The following CACNA2D4 variants were observed in gnomAD, a reference collection of about 807,000 sequenced individuals.
CACNA2D4 encodes the protein voltage-dependent calcium channel subunit alpha-2/delta-4.
CACNA2D4 carries 157 observed loss-of-function variants against 163.8 expected under a neutral mutation model. The ratio of observed to expected loss-of-function variants is 0.96; its 90% CI spans 0.84 to 1.09. The LOEUF (loss-of-function observed/expected upper bound fraction) is 1.09. Among genes scored for constraint, CACNA2D4 ranks in the 50% least tolerant of loss-of-function variants. CACNA2D4 has a pLI of 0.00. For missense variants in CACNA2D4, 1,410 were observed against 1,479.9 expected (o/e 0.95, Z 0.78); for synonymous variants, 598 against 586.9 (o/e 1.02, Z -0.27).
intron 3 of CACNA2D4, among the ~76,000 whole-genome samples, chr12:1,911,599 A>G (rs1454739723): frequency 6.6e-6 from 1 of 152,112 alleles, no homozygotes; most frequent in African/African-American, 2.4e-5. Flanking sequence ...GCGCACCCTC[A>G]TGGAAGGTCT....
At chr12:1,865,927 T>C (rs942238273) in intron 18 of CACNA2D4, among the ~76,000 whole-genome samples, 1 of 152,254 alleles carries the variant, frequency 6.6e-6, no homozygotes, top group African/African-American at 2.4e-5. Context: ...ATTCTTGGGA[T>C]GTTCTATGGA....
intron 18 of CACNA2D4, among the ~76,000 whole-genome samples, chr12:1,871,330 T>A (rs549801990): frequency 4.4e-4 from 67 of 151,574 alleles, no homozygotes; most frequent in African/African-American, 1.5e-3. Context: ...TGCTAGTGTG[T>A]GCATGTGTAC....
rs576907256 is a variant in CACNA2D4 at position 1,845,218 on chromosome 12, G to A, written c.2343-689C>T. On this transcript the variant is annotated intron_variant, in intron 24 of 37. Transcript: ENST00000382722. Reference sequence around the variant, plus strand: ...CAGTTCCTGGGCTGCCATTCACCTCGAGTCTGGGTGAAGGGAGCCCCTGGG... The same window carrying A: ...CAGTTCCTGGGCTGCCATTCACCTCAAGTCTGGGTGAAGGGAGCCCCTGGG... Among the ~76,000 whole-genome samples the A allele has an allele frequency of 5.3e-5, 8 of 152,160 alleles. No individual in the cohort carries two copies. In the East Asian group the frequency reaches 7.8e-4, roughly 15 times the overall value.
chr12:1,895,880 C>G (rs1365821594), intron 6 of CACNA2D4, among the ~76,000 whole-genome samples: 3 of 152,084 alleles, frequency 2.0e-5, no homozygotes, highest in Non-Finnish European at 4.4e-5. Context: ...CTCACATGAT[C>G]CTCCCACCTT....
intron 6 of CACNA2D4, among the ~76,000 whole-genome samples, chr12:1,899,414 T>A (rs975655428): frequency 6.6e-6 from 1 of 151,842 alleles, no homozygotes; most frequent in South Asian, 2.1e-4. Context: ...AAGAAATCTA[T>A]AGGGAATTGG....
rs2154448553 is a variant in CACNA2D4 at position 1,860,208 on chromosome 12, T to C, written c.1879-2A>G. On this transcript the variant is annotated splice_acceptor_variant, in intron 18 of 37. Coordinates refer to ENST00000382722, the MANE Select transcript of CACNA2D4 (RefSeq NM_172364.5). LOFTEE classifies it high-confidence loss of function. ...ATTGGTCAGGAAAAGAACTCGCTTCTGAAAGAGTAGACAAGGAAAGAGTGC... is the reference window on the plus strand; with the variant it reads ...ATTGGTCAGGAAAAGAACTCGCTTCCGAAAGAGTAGACAAGGAAAGAGTGC... The C allele has an allele frequency of 6.2e-7, 1 of 1,612,994 alleles. No individual in the cohort carries two copies. The highest frequency in any genetic ancestry group is 8.5e-7 in the Non-Finnish European group (1 of 1,179,256).
Position 1,844,260 on chromosome 12 carries a change from AG to A in CACNA2D4, c.2470+141del. The A allele has an allele frequency of 1.0e-6, 1 of 952,916 alleles. No individual in the cohort carries two copies. The allele number at this position is 952,916 out of a possible 1,614,324, so 59.0% of individuals were successfully genotyped here. A position where few individuals can be genotyped will look rare whatever the true frequency, so the allele number is the denominator to read the frequency against. On this transcript the variant is annotated intron_variant, in intron 25 of 37. Transcript: ENST00000382722. This position sits in a 1 kb window ranked among gnomAD's most constrained non-coding sequence, Gnocchi z 4.2. ...TTTTTAAGTCACTAATGCATGCAGG[AG>A]GGAAGGCAGGAGGGGAACCCTGGTG...
At chr12:1,831,650 G>A in intron 26 of CACNA2D4, 1 of 766,544 alleles carries the variant, frequency 1.3e-6, no homozygotes. Flanking sequence ...GGGCGACCCT[G>A]CCTCTGTGCC....
Position 1,844,675 on chromosome 12 carries a change from C to A in CACNA2D4, c.2343-146G>T. 1 of 791,018 alleles carries A rather than the reference C, an allele frequency of 1.3e-6. No homozygotes were observed. The highest frequency in any genetic ancestry group is 2.0e-6 in the Non-Finnish European group (1 of 508,600). The allele number at this position is 791,018 out of a possible 1,614,324, so 49.0% of individuals were successfully genotyped here. A position where few individuals can be genotyped will look rare whatever the true frequency, so the allele number is the denominator to read the frequency against. On this transcript the variant is annotated intron_variant, in intron 24 of 37. Transcript: ENST00000382722. The surrounding 1 kb of genome is among the most constrained non-coding windows in gnomAD (Gnocchi z 4.2). The stretch of plus-strand genomic sequence containing the variant: ...TACGGCCCCAGACAATGCTTCCCAG[C>A]AATTCTCGCCTTTTCCAGAAACAAA...
chr12:1,825,686 C>T (rs1864284837), intron 26 of CACNA2D4, among the ~76,000 whole-genome samples: 1 of 152,180 alleles, frequency 6.6e-6, no homozygotes, highest in African/African-American at 2.4e-5. Flanking sequence ...GCATCACGTG[C>T]TGTGTACAGA....
chr12:1,907,598 T>A, intron 5 of CACNA2D4, 27 bp from the exon 6 acceptor site: 1 of 1,604,132 alleles, frequency 6.2e-7, no homozygotes, highest in Non-Finnish European at 8.5e-7. Flanking sequence ...TAGATTATGA[T>A]CCTGTAGAAC....
At chr12:1,848,991 T>G (rs2154448065) in intron 23 of CACNA2D4, among the ~76,000 whole-genome samples, 1 of 152,300 alleles carries the variant, frequency 6.6e-6, no homozygotes, top group East Asian at 1.9e-4. Context: ...TGGGGTCCCT[T>G]GGGCACAATA....
At chr12:1,885,921 C>G (rs372220212) in intron 9 of CACNA2D4, 44 bp downstream of exon 9, 1 of 1,427,700 alleles carries the variant, frequency 7.0e-7, no homozygotes, top group Admixed American at 1.7e-5. Context: ...ACCATCCAGA[C>G]AAGAGCAGGG....
Position 1,795,779 on chromosome 12 carries a change from C to A in CACNA2D4, c.3115G>T (p.Val1039Leu). The A allele has an allele frequency of 3.1e-6, 5 of 1,596,636 alleles. No homozygotes were observed. The highest frequency in any genetic ancestry group is 1.1e-5 in the South Asian group (1 of 90,700). ...GIVECGPCQK[V>L]FVVQQIPNSN... ...TTGGGAATCTGCTGCACCACAAATA[C>A]CCTGCAGCAAAGAAAGGGAGTCGAG... is the stretch of plus-strand genomic sequence containing the variant. The change falls in exon 36 of 38, where the codon GTA becomes TTA. Residue 1039 changes from valine (V) to leucine (L), a missense_variant and splice_region_variant. Transcript: ENST00000382722.
At chr12:1,796,555 G>T (rs575811579) in intron 35 of CACNA2D4, among the ~76,000 whole-genome samples, 1 of 152,194 alleles carries the variant, frequency 6.6e-6, no homozygotes, top group Non-Finnish European at 1.5e-5. Context: ...CTCTATCCTC[G>T]CACCGAGCCT....
chr12:1,891,339 G>A (rs980423061), intron 6 of CACNA2D4, among the ~76,000 whole-genome samples: 9 of 152,156 alleles, frequency 5.9e-5, no homozygotes, highest in African/African-American at 1.9e-4. Context: ...TATAGCTGAA[G>A]AAATCATATT....
At chr12:1,816,296 G>A (rs574361870) in intron 26 of CACNA2D4, among the ~76,000 whole-genome samples, 19 of 152,342 alleles carry the variant, frequency 1.2e-4, no homozygotes, top group African/African-American at 4.1e-4. Flanking sequence ...CAAAGCACTC[G>A]GCTTTTCCTG....
At position 1,907,868 on chromosome 12, in the gene CACNA2D4, C is replaced by A. The variant is rs774802712; in HGVS notation, c.649+7G>T. The A allele has an allele frequency of 3.1e-6, 5 of 1,613,864 alleles. No individual in the cohort carries two copies. Among genetic ancestry groups the A allele is most frequent in the Non-Finnish European group, 4.2e-6 (5 of 1,179,844 alleles). Reference sequence around the variant, plus strand: ...GTGAGTGTGCCTGAGCTGAGCGTGCCGGCTACCTTTGTTGTACACGTTGGT... The same window carrying A: ...GTGAGTGTGCCTGAGCTGAGCGTGCAGGCTACCTTTGTTGTACACGTTGGT... On this transcript the variant is annotated splice_region_variant and intron_variant, in intron 5 of 37. Coordinates refer to ENST00000382722, the MANE Select transcript of CACNA2D4 (RefSeq NM_172364.5).
At chr12:1,810,634 G>A in intron 27 of CACNA2D4, 47 bp from the exon 28 acceptor site, 1 of 1,529,150 alleles carries the variant, frequency 6.5e-7, no homozygotes, top group Non-Finnish European at 8.9e-7. Flanking sequence ...ATGTGTAGTA[G>A]AAATGGCACG....
Sources: gnomAD v4.1 joint callset for allele counts (sites outside exome capture counted in the v4.1 genomes callset) on GRCh38, gnomAD v4.1.1 for gene constraint, Gnocchi (gnomAD v3.1) non-coding constraint, MANE v1.5 for transcripts, NCBI Gene and HGNC (gene_info 2026-07-23, HGNC 2026-07-21) for gene names.